GLYATL3: variants seen among roughly 807,000 people sequenced by gnomAD.
GLYATL3 encodes glycine-N-acyltransferase like 3, also known as glycine N-acyltransferase-like protein 3.
In GLYATL3, 31 loss-of-function variants were observed where a neutral mutation model predicts 28.5. The ratio of observed to expected loss-of-function variants is 1.09; its 90% CI spans 0.82 to 1.47. The LOEUF is 1.47. Among genes scored for constraint, GLYATL3 ranks in the 40% most tolerant of loss-of-function variants. GLYATL3 has a pLI of 0.00. For missense variants in GLYATL3, 369 were observed against 351.5 expected (o/e 1.05, Z -0.40); for synonymous variants, 141 against 140.2 (o/e 1.01, Z -0.04).
At chr6:49,507,022 G>C (rs1769022655) in intron 1 of GLYATL3, among the ~76,000 whole-genome samples, 1 of 152,140 alleles carries the variant, frequency 6.6e-6, no homozygotes. Context: ...CTCTGGCAGA[G>C]GGGGCAACGG....
intron 1 of GLYATL3, among the ~76,000 whole-genome samples, chr6:49,508,123 C>A (rs368702150): frequency 6.6e-6 from 1 of 151,872 alleles, no homozygotes; most frequent in Non-Finnish European, 1.5e-5. Context: ...GGTGAAACCC[C>A]GTCTCTACTA....
Position 49,502,191 on chromosome 6 carries a change from T to C in GLYATL3, c.-29+2149T>C, listed in dbSNP as rs544430539. Among the ~76,000 whole-genome samples the C allele has an allele frequency of 7.9e-5, 12 of 152,336 alleles. No individual in the cohort carries two copies. In the South Asian group the frequency reaches 2.3e-3, roughly 29 times the overall value. On this transcript the variant is annotated intron_variant, in intron 1 of 5. Coordinates refer to ENST00000371197, the MANE Select transcript of GLYATL3 (RefSeq NM_001010904.2). Reference sequence around the variant, plus strand: ...TAGCTTGGCACTGATCATGATTGGATTGAAGAATATTTTTTCCAATTTTGT... The same window carrying C: ...TAGCTTGGCACTGATCATGATTGGACTGAAGAATATTTTTTCCAATTTTGT...
At chr6:49,507,254 G>A (rs909241597) in intron 1 of GLYATL3, among the ~76,000 whole-genome samples, 1 of 152,038 alleles carries the variant, frequency 6.6e-6, no homozygotes, top group Non-Finnish European at 1.5e-5. Context: ...GATGGAAAAG[G>A]AAGTAAAGCA....
intron 1 of GLYATL3, among the ~76,000 whole-genome samples, chr6:49,503,495 G>A (rs543362027): frequency 6.6e-6 from 1 of 152,302 alleles, no homozygotes; most frequent in African/African-American, 2.4e-5. Context: ...ATAGGGGAGG[G>A]TTGTCACTAC....
rs567199488 is a variant in GLYATL3, at chr6:49,517,688, T to A, written c.313+132T>A. On this transcript the variant is annotated intron_variant, in intron 4 of 5. Coordinates refer to ENST00000371197, the MANE Select transcript of GLYATL3 (RefSeq NM_001010904.2). ...ATACACACCTGTATGTATAAATACA[T>A]ACACATACATTTTATGCATTTACCA... The A allele has an allele frequency of 5.4e-6, 3 of 558,522 alleles. No individual in the cohort carries two copies. The East Asian group carries it at 1.0e-4, about 19-fold the overall frequency. 34.6% of individuals were successfully genotyped at this position (558,522 alleles called of 1,614,324 possible).
At chr6:49,506,978 A>C (rs1769021982) in intron 1 of GLYATL3, among the ~76,000 whole-genome samples, 1 of 152,136 alleles carries the variant, frequency 6.6e-6, no homozygotes, top group African/African-American at 2.4e-5. Flanking sequence ...TGGGAATGAG[A>C]AACATGCCAT....
chr6:49,526,411 T>TC, intron 5 of GLYATL3, 77 bp from the exon 6 acceptor site: 1 of 1,263,352 alleles, frequency 7.9e-7, no homozygotes, highest in Admixed American at 2.2e-5. Context: ...AGACTGTGTC[T>TC]CGAAAAAAAA....
In GLYATL3 at chr6:49,515,749, C is replaced by G; in HGVS notation, c.175C>G (p.Arg59Gly). 6.5e-7 allele frequency: 1 copy of G among 1,538,696 alleles called. No homozygotes were observed. The change falls in exon 3 of 6, where the codon CGA (arginine) becomes GGA (glycine). Residue 59 changes from arginine (R) to glycine (G), a missense_variant. Arg to Gly is a moderately radical substitution (Grantham distance 125). Transcript: ENST00000371197. ...GGATTTCAAAGCTGTTATCACCCGA[C>G]GACAAAGAGAGGTACAGTTTTGAAA... ...WPDFKAVITR[R>G]QREAETDNLD... is the part of the protein sequence containing the mutation.
chr6:49,527,056 T>C lies in GLYATL3; in HGVS notation c.*142T>C, dbSNP rs948866039. ...TCTGGAGAATATATACAGGATCCAC[T>C]TGAGAAGCCTTAATTTTTCGTATCT... On this transcript the variant is annotated 3_prime_UTR_variant, in exon 6 of 6. Transcript: ENST00000371197. 1.6e-6 allele frequency: 1 copy of C among 626,486 alleles called. No individual in the cohort carries two copies. Among genetic ancestry groups the C allele is most frequent in the African/African-American group, 1.8e-5 (1 of 54,592 alleles). 38.8% of individuals were successfully genotyped at this position (626,486 alleles called of 1,614,324 possible).
chr6:49,516,756 T>G (rs1211645218), intron 3 of GLYATL3, among the ~76,000 whole-genome samples: 1 of 151,974 alleles, frequency 6.6e-6, no homozygotes, highest in Non-Finnish European at 1.5e-5. Flanking sequence ...ATTTCACCAC[T>G]GCACTCCAGC....
chr6:49,505,131 T>C (rs1045646205), intron 1 of GLYATL3, among the ~76,000 whole-genome samples: 9 of 152,210 alleles, frequency 5.9e-5, no homozygotes, highest in Non-Finnish European at 8.8e-5. Context: ...GTTCTGCATC[T>C]ATAATGGCTA....
chr6:49,510,505 C>A (rs1045644465), intron 1 of GLYATL3, among the ~76,000 whole-genome samples: 1 of 152,180 alleles, frequency 6.6e-6, no homozygotes, highest in African/African-American at 2.4e-5. Context: ...GGTTCACATT[C>A]CACTGCCCTT....
intron 5 of GLYATL3, 125 bp from the exon 6 acceptor site, chr6:49,526,363 A>C: frequency 1.3e-6 from 1 of 742,434 alleles, no homozygotes; most frequent in South Asian, 1.9e-5. Context: ...CAGTGAGCAG[A>C]GATCACGCCA....
At chr6:49,506,956 C>A (rs1769021783) in intron 1 of GLYATL3, among the ~76,000 whole-genome samples, 1 of 151,866 alleles carries the variant, frequency 6.6e-6, no homozygotes, top group Admixed American at 6.6e-5. Flanking sequence ...GGGGAGAGGT[C>A]CAAAAGGATG....
chr6:49,523,820 A>G (rs1334353457), intron 5 of GLYATL3, among the ~76,000 whole-genome samples: 1 of 152,136 alleles, frequency 6.6e-6, no homozygotes, highest in Non-Finnish European at 1.5e-5. Context: ...GTTCCCCTTC[A>G]TCTTTATTTT....
At position 49,524,981 on chromosome 6, in the gene GLYATL3, A is replaced by C. The variant is rs1310745209; in HGVS notation, c.441-1507A>C. Among the ~76,000 whole-genome samples, 219 of 151,358 alleles carry C rather than the reference A, an allele frequency of 1.4e-3. 1 individual carries two copies. The highest frequency in any genetic ancestry group is 4.7e-3 in the African/African-American group (196 of 41,296). Reference sequence around the variant, plus strand: ...GAGACTCCCTCTCAAAAAAAAAAAAAAAAAAAAAAAGAACAAACATTTCTA... The same window carrying C: ...GAGACTCCCTCTCAAAAAAAAAAAACAAAAAAAAAAGAACAAACATTTCTA... On this transcript the variant is annotated intron_variant, in intron 5 of 5. Transcript: ENST00000371197.
Position 49,526,923 on chromosome 6 carries a change from A to G in GLYATL3, c.*9A>G, listed in dbSNP as rs1390843916. 27 of 1,487,886 alleles carry G rather than the reference A, an allele frequency of 1.8e-5. No homozygotes were observed. The highest frequency in any genetic ancestry group is 2.3e-5 in the Non-Finnish European group (26 of 1,116,336). The allele number at this position is 1,487,886 out of a possible 1,614,324, so 92.2% of individuals were successfully genotyped here. A position where few individuals can be genotyped will look rare whatever the true frequency, so the allele number is the denominator to read the frequency against. ...GCCTGCCTCACCTCTAGCCCAGTAAAAAACTGCAGTGGTTTTATTACTTTC... is the reference window on the plus strand; with the variant it reads ...GCCTGCCTCACCTCTAGCCCAGTAAGAAACTGCAGTGGTTTTATTACTTTC... On this transcript the variant is annotated 3_prime_UTR_variant, in exon 6 of 6. Transcript: ENST00000371197.
intron 1 of GLYATL3, among the ~76,000 whole-genome samples, chr6:49,504,972 G>A (rs751373211): frequency 8.4e-4 from 128 of 152,274 alleles, no homozygotes; most frequent in Middle Eastern, 3.4e-3. Context: ...TAGGAGAAAG[G>A]CCTCGGGGAT....
Position 49,526,792 on chromosome 6 carries a change from G to C in GLYATL3, c.745G>C (p.Val249Leu), listed in dbSNP as rs764436067. The C allele has an allele frequency of 1.4e-4, 224 of 1,551,842 alleles. No homozygotes were observed. The highest frequency in any genetic ancestry group is 3.3e-5 in the Non-Finnish European group (38 of 1,147,018). Residue 249 changes from valine to leucine, a missense_variant, in exon 6 of 6, where the codon GTC (valine) becomes CTC (leucine). Val to Leu is a conservative substitution (Grantham distance 32, BLOSUM62 1). Transcript: ENST00000371197. Reference protein sequence around the residue: ...QSRGFPSQGNVLDDNTASISL... With the variant: ...QSRGFPSQGNLLDDNTASISL... Reference sequence around the variant, plus strand: ...CCGGGGATTCCCCTCTCAGGGGAACGTCCTGGATGACAACACGGCGTCTAT... The same window carrying C: ...CCGGGGATTCCCCTCTCAGGGGAACCTCCTGGATGACAACACGGCGTCTAT...
Sources: allele counts gnomAD v4.1 joint callset (sites outside exome capture counted in the v4.1 genomes callset), GRCh38; gene constraint gnomAD v4.1.1; transcripts MANE v1.5; gene names NCBI Gene and HGNC (gene_info 2026-07-23, HGNC 2026-07-21).